The following ATP10B variants were observed in gnomAD, a reference collection of about 807,000 sequenced individuals.
ATP10B encodes the protein phospholipid-transporting ATPase VB.
A neutral mutation model predicts 141.2 loss-of-function variants in ATP10B; 122 were observed. That is an observed-to-expected ratio of 0.86 (90% CI 0.75 to 1.00). The LOEUF (loss-of-function observed/expected upper bound fraction) is 1.00, where lower values mean the gene tolerates loss of function less well. ATP10B is among the 50% of genes least tolerant of loss of function. ATP10B has a pLI of 0.00. For missense variants in ATP10B, 1,876 were observed against 1,825.3 expected (o/e 1.03, Z -0.51); for synonymous variants, 685 against 692.0 (o/e 0.99, Z 0.16).
At chr5:160,699,518 C>G (rs537131116) in intron 3 of ATP10B, among the ~76,000 whole-genome samples, 1 of 152,192 alleles carries the variant, frequency 6.6e-6, no homozygotes, top group East Asian at 1.9e-4. Flanking sequence ...TAGTACACCC[C>G]GGAAGAACTG....
chr5:160,688,201 C>T, intron 4 of ATP10B, 107 bp from the exon 5 acceptor site: 1 of 1,220,972 alleles, frequency 8.2e-7, no homozygotes, highest in Non-Finnish European at 1.1e-6. Flanking sequence ...TAGTCTTAAC[C>T]CACACTTTGA....
At chr5:160,585,962 T>A (rs1464764673) in intron 24 of ATP10B, among the ~76,000 whole-genome samples, 1 of 152,142 alleles carries the variant, frequency 6.6e-6, no homozygotes, top group African/African-American at 2.4e-5. Flanking sequence ...AGCAGGATTT[T>A]AAAAAATTTT....
At position 160,606,756 on chromosome 5, in the gene ATP10B, G is replaced by A; in HGVS notation, c.3160+9C>T. 1 of 1,609,446 alleles carries A rather than the reference G, an allele frequency of 6.2e-7. No individual in the cohort carries two copies. The highest frequency in any genetic ancestry group is 8.5e-7 in the Non-Finnish European group (1 of 1,176,534). ...CAAAGTGCCACCCGCATCTCAGTATGATGGGTACCTATGGAAAGGGTCATG... is the reference window on the plus strand; with the variant it reads ...CAAAGTGCCACCCGCATCTCAGTATAATGGGTACCTATGGAAAGGGTCATG... On this transcript the variant is annotated intron_variant, in intron 19 of 25. Coordinates refer to ENST00000327245, the MANE Select transcript of ATP10B (RefSeq NM_025153.3).
At chr5:160,925,918 A>C in the ATP10B span, among the ~76,000 whole-genome samples, 2 of 152,318 alleles carry the variant, frequency 1.3e-5, no homozygotes, top group South Asian at 4.1e-4. Context: ...GCCTCATCTC[A>C]TCAGATAACA....
intron 1 of ATP10B, among the ~76,000 whole-genome samples, chr5:160,828,404 A>G (rs1261876167): frequency 6.6e-6 from 1 of 152,152 alleles, no homozygotes; most frequent in Non-Finnish European, 1.5e-5. Flanking sequence ...AAGGACATGA[A>G]CAGACACCTC....
chr5:160,703,087 T>C (rs190990760), intron 3 of ATP10B, among the ~76,000 whole-genome samples: 13 of 152,294 alleles, frequency 8.5e-5, no homozygotes, highest in Admixed American at 7.8e-4. Context: ...GTGATGAAAT[T>C]GTGGTTTGGA....
the ATP10B span, among the ~76,000 whole-genome samples, chr5:160,880,051 A>G: frequency 6.6e-6 from 1 of 151,234 alleles, no homozygotes; most frequent in Non-Finnish European, 1.5e-5. Flanking sequence ...ATATAAATCT[A>G]ATAATCTATG....
At chr5:160,827,923 G>A (rs1774754171) in intron 1 of ATP10B, among the ~76,000 whole-genome samples, 1 of 152,054 alleles carries the variant, frequency 6.6e-6, no homozygotes, top group Admixed American at 6.6e-5. Context: ...TATTTCTGAG[G>A]GCTCTGTTCT....
chr5:160,796,674 G>T (rs1771968949), intron 1 of ATP10B, among the ~76,000 whole-genome samples: 1 of 152,158 alleles, frequency 6.6e-6, no homozygotes, highest in South Asian at 2.1e-4. Context: ...GCAGAGAAAA[G>T]TTTCCTTTTA....
rs192463472 is a variant in ATP10B, at chr5:160,850,181, G to A, written c.-576+1760C>T. ...CCCAGCACTTTGGGAGGCTGTGGGC[G>A]GATCACCTGAGGTCAGGAGTTCGAG... On this transcript the variant is annotated intron_variant, in intron 1 of 25. Coordinates refer to ENST00000327245, the MANE Select transcript of ATP10B (RefSeq NM_025153.3). Among the ~76,000 whole-genome samples the A allele has an allele frequency of 4.8e-4, 73 of 152,182 alleles. No individual in the cohort carries two copies. In the South Asian group the frequency reaches 0.011, roughly 23 times the overall value.
the ATP10B span, among the ~76,000 whole-genome samples, chr5:160,894,269 A>G: frequency 6.6e-6 from 1 of 152,098 alleles, no homozygotes; most frequent in Non-Finnish European, 1.5e-5. Context: ...CTAAAGCAGC[A>G]TGTTCTAGCC....
chr5:160,626,670 C>T (rs941029104), intron 13 of ATP10B, among the ~76,000 whole-genome samples: 4 of 152,198 alleles, frequency 2.6e-5, no homozygotes, highest in Admixed American at 2.0e-4. Flanking sequence ...TCAGCAGCTC[C>T]GAGTGGGGCC....
chr5:160,817,779 T>G (rs756673475), intron 1 of ATP10B, among the ~76,000 whole-genome samples: 2 of 152,188 alleles, frequency 1.3e-5, no homozygotes, highest in African/African-American at 2.4e-5. Flanking sequence ...CAAAACAGCA[T>G]GGTACTGGTA....
chr5:160,661,186 C>CA lies in ATP10B; in HGVS notation c.675+9276dup, dbSNP rs547042816. 1.8e-3 allele frequency among the ~76,000 whole-genome samples: 263 copies of CA among 145,070 alleles called. 3 individuals are homozygous for CA. Among genetic ancestry groups the CA allele is most frequent in the East Asian group, 0.017 (85 of 4,960 alleles). On this transcript the variant is annotated intron_variant, in intron 7 of 25. Coordinates refer to ENST00000327245, the MANE Select transcript of ATP10B (RefSeq NM_025153.3). The stretch of plus-strand genomic sequence containing the variant: ...GGGCAACAAGAGTGAAACTCTGTCT[C>CA]AAAAAAAAAACACAAAACAAAACAA...
At chr5:160,837,556 T>TC (rs1242680267) in intron 1 of ATP10B, among the ~76,000 whole-genome samples, 2 of 152,204 alleles carry the variant, frequency 1.3e-5, no homozygotes, top group African/African-American at 4.8e-5. Context: ...AAAATATGAT[T>TC]TTTTTCAGTA....
intron 1 of ATP10B, among the ~76,000 whole-genome samples, chr5:160,830,382 T>C (rs1774975721): frequency 6.6e-6 from 1 of 152,162 alleles, no homozygotes; most frequent in Non-Finnish European, 1.5e-5. Flanking sequence ...CAGTTGACTT[T>C]ATGCCTTGGA....
chr5:160,722,983 C>T (rs767680905), intron 2 of ATP10B, among the ~76,000 whole-genome samples: 4 of 152,176 alleles, frequency 2.6e-5, no homozygotes, highest in Non-Finnish European at 5.9e-5. Flanking sequence ...TCACTGATGG[C>T]TGTGTTTAGA....
At chr5:160,882,372 A>C in the ATP10B span, among the ~76,000 whole-genome samples, 1 of 152,290 alleles carries the variant, frequency 6.6e-6, no homozygotes, top group South Asian at 2.1e-4. Flanking sequence ...ATATGTAGGA[A>C]GTCTCTGCAT....
Position 160,565,531 on chromosome 5 carries a change from G to A in ATP10B, c.4308C>T (p.Tyr1436=). The A allele has an allele frequency of 6.2e-7, 1 of 1,614,126 alleles. No homozygotes were observed. Among genetic ancestry groups the A allele is most frequent in the Non-Finnish European group, 8.5e-7 (1 of 1,179,982 alleles). Reference sequence around the variant, plus strand: ...GGCACATATCAGTCTGTCCTCTTGAGTAGGCCATTATCCTGTTAGGTCCCA... The same window carrying A: ...GGCACATATCAGTCTGTCCTCTTGAATAGGCCATTATCCTGTTAGGTCCCA... ...HLLGPNRIMA[Y]SRGQTDMCRC... The change falls in exon 26 of 26, where the codon TAC becomes TAT. Residue 1436 remains tyrosine (Y), a synonymous_variant. Transcript: ENST00000327245.
Sources: allele counts gnomAD v4.1 joint callset (sites outside exome capture counted in the v4.1 genomes callset), GRCh38; gene constraint gnomAD v4.1.1; transcripts MANE v1.5; gene names NCBI Gene and HGNC (gene_info 2026-07-23, HGNC 2026-07-21).